Variants in CRB2 observed in about 807,000 individuals in gnomAD.
CRB2 encodes the protein protein crumbs homolog 2.
In CRB2, 85 loss-of-function variants were observed where a neutral mutation model predicts 110.9. That is an observed-to-expected ratio of 0.77 (90% CI 0.64 to 0.92). The LOEUF (loss-of-function observed/expected upper bound fraction) is 0.92, where lower values mean the gene tolerates loss of function less well. CRB2 is among the 40% of genes least tolerant of loss of function. CRB2 has a pLI of 0.00. For missense variants in CRB2, 1,843 were observed against 1,851.3 expected (o/e 1.00, Z 0.08); for synonymous variants, 907 against 831.0 (o/e 1.09, Z -1.57).
At chr9:123,366,931 T>A (rs2041940582) in intron 4 of CRB2, among the ~76,000 whole-genome samples, 1 of 124,112 alleles carries the variant, frequency 8.1e-6, no homozygotes, top group South Asian at 2.8e-4. Context: ...GGCAACAGAG[T>A]GAGATTCTAT....
Position 123,363,205 on chromosome 9 carries a change from C to T in CRB2, c.418+17C>T. On this transcript the variant is annotated intron_variant, in intron 2 of 12. Transcript: ENST00000373631. ...GCTATGCAGGTAACAGCCTGGGCCG[C>T]CCTGGGAGGAGGTCTGTAATGCAGA... The T allele has an allele frequency of 2.5e-6, 4 of 1,583,330 alleles. No individual in the cohort carries two copies. The highest frequency in any genetic ancestry group is 2.6e-6 in the Non-Finnish European group (3 of 1,162,128).
intron 2 of CRB2, 95 bp downstream of exon 2, chr9:123,363,283 G>A (rs2041890773): frequency 3.0e-6 from 4 of 1,339,500 alleles, no homozygotes; most frequent in Non-Finnish European, 4.0e-6. Context: ...TGCCTTTCGT[G>A]TAGGGACGCC....
In CRB2 at chr9:123,370,106, AG is replaced by A; in HGVS notation, c.1056del. 6.3e-7 allele frequency: 1 copy of A among 1,575,502 alleles called. No individual in the cohort carries two copies. The highest frequency in any genetic ancestry group is 8.6e-7 in the Non-Finnish European group (1 of 1,158,658). On this transcript the variant is annotated splice_acceptor_variant, in intron 6 of 12. Transcript: ENST00000373631. LOFTEE classifies it high-confidence loss of function. ...TGAACCTTGGCTTTGTCTCTCCCAAAGGGCCGACATGTGAGGAAGATGTGGA... is the reference window on the plus strand; with the variant it reads ...TGAACCTTGGCTTTGTCTCTCCCAAAGGCCGACATGTGAGGAAGATGTGGA...
chr9:123,373,549 G>C lies in CRB2; in HGVS notation c.3018G>C (p.Leu1006=). 6.7e-7 allele frequency: 1 copy of C among 1,487,526 alleles called. No individual in the cohort carries two copies. The highest frequency in any genetic ancestry group is 8.9e-7 in the Non-Finnish European group (1 of 1,123,578). 92.1% of individuals were successfully genotyped at this position (1,487,526 alleles called of 1,614,324 possible). The change falls in exon 10 of 13, where the codon CTG becomes CTC. Residue 1006 remains leucine, a synonymous_variant. Transcript: ENST00000373631. ...GCCCGGGTGCTGTGCGCATCCTGCT[G>C]GCTGAGAACTTCACCGGCTGCTTGG... ...LQGPGAVRIL[L]AENFTGCLGR... is the part of the protein sequence containing the mutation.
At chr9:123,358,888 A>G (rs1327838898) in intron 1 of CRB2, among the ~76,000 whole-genome samples, 1 of 152,196 alleles carries the variant, frequency 6.6e-6, no homozygotes, top group Admixed American at 6.5e-5. Context: ...GGAACCCCCA[A>G]TTTCAAGGGA....
In CRB2 at chr9:123,373,847, G is replaced by T; in HGVS notation, c.3316G>T (p.Gly1106Cys). 6.4e-7 allele frequency: 1 copy of T among 1,565,040 alleles called. No individual in the cohort carries two copies. The highest frequency in any genetic ancestry group is 2.4e-5 in the East Asian group (1 of 42,356). The change falls in exon 10 of 13, where the codon GGC (glycine) becomes TGC (cysteine). Residue 1106 changes from glycine (G) to cysteine (C), a missense_variant. Transcript: ENST00000373631. ...CTGTCACTCCGCCCCCTGCGCCCGT[G>T]GCCGCTGTCACACGCACCCCGACGG... is the stretch of plus-strand genomic sequence containing the variant. ...DPCHSAPCAR[G>C]RCHTHPDGRF...
At chr9:123,361,106 G>T (rs1161724838) in intron 1 of CRB2, among the ~76,000 whole-genome samples, 1 of 149,232 alleles carries the variant, frequency 6.7e-6, no homozygotes, top group East Asian at 2.0e-4. Context: ...CTCTGAGATA[G>T]GGGGCAAAGC....
chr9:123,361,393 C>T lies in CRB2; in HGVS notation c.95-1472C>T, dbSNP rs377152790. On this transcript the variant is annotated intron_variant, in intron 1 of 12. Transcript: ENST00000373631. ...AACCAGGACTGCCCGATGCCCCAAA[C>T]CTGTGCCCTTTCCTGGGGGAGCTGG... Among the ~76,000 whole-genome samples, 19 of 152,332 alleles carry T rather than the reference C, an allele frequency of 1.2e-4. No individual in the cohort carries two copies. In the East Asian group the frequency reaches 2.5e-3, roughly 20 times the overall value.
chr9:123,364,340 A>T (rs1011149235), intron 2 of CRB2, among the ~76,000 whole-genome samples: 1 of 150,132 alleles, frequency 6.7e-6, no homozygotes, highest in Non-Finnish European at 1.5e-5. Flanking sequence ...TTGTGTGGGC[A>T]GTGGGTTGTG....
intron 6 of CRB2, among the ~76,000 whole-genome samples, chr9:123,368,596 C>T (rs976725622): frequency 2.6e-5 from 4 of 152,274 alleles, no homozygotes; most frequent in Non-Finnish European, 5.9e-5. Context: ...TGTCATCCCC[C>T]AGGTTCACCA....
chr9:123,371,926 G>T (rs186050425), intron 8 of CRB2, among the ~76,000 whole-genome samples: 35 of 152,312 alleles, frequency 2.3e-4, no homozygotes, highest in African/African-American at 7.7e-4. Context: ...CAACCCTGGA[G>T]TTAGAACAGC....
At chr9:123,364,494 C>T (rs1036352356) in intron 2 of CRB2, among the ~76,000 whole-genome samples, 1 of 152,020 alleles carries the variant, frequency 6.6e-6, no homozygotes, top group African/African-American at 2.4e-5. Flanking sequence ...CCATTCCAAG[C>T]CGGGTGGGGG....
chr9:123,371,379 A>C lies in CRB2; in HGVS notation c.2237A>C (p.His746Pro). The change falls in exon 8 of 13, where the codon CAC becomes CCC. Residue 746 changes from histidine (H) to proline (P), a missense_variant. By Grantham distance (77) the His-to-Pro change is moderately conservative. Transcript: ENST00000373631. Reference protein sequence around the residue: ...DQLQDLGQHVHVGGRLLAADS... With the variant: ...DQLQDLGQHVPVGGRLLAADS... ...CTGCAGGACCTGGGGCAGCACGTGC[A>C]CGTGGGTGGGAGGCTCCTTGCTGCC... 1 of 1,606,896 alleles carries C rather than the reference A, an allele frequency of 6.2e-7. No individual in the cohort carries two copies. The highest frequency in any genetic ancestry group is 8.5e-7 in the Non-Finnish European group (1 of 1,176,312).
downstream of CRB2, chr9:123,378,805 G>GTTTTTTTTTTTTT (rs1166539194): frequency 6.9e-5 from 7 of 100,978 alleles, no homozygotes; most frequent in South Asian, 3.4e-4. Context: ...CCTGTTTTTT[G>GTTTTTTTTTTTTT]TTTTTTTTTT....
rs769475728 is a variant in CRB2 at position 123,370,071 on chromosome 9, C to T, written c.1055-37C>T. On this transcript the variant is annotated intron_variant, in intron 6 of 12. Coordinates refer to ENST00000373631, the MANE Select transcript of CRB2 (RefSeq NM_173689.7). ...TGGGTCAGTACTGTGATTCTGGCCC[C>T]AGACATTACTGAACCTTGGCTTTGT... 1.1e-5 allele frequency: 17 copies of T among 1,550,488 alleles called. No individual in the cohort carries two copies. In the Admixed American group the frequency reaches 1.8e-4, roughly 17 times the overall value.
chr9:123,373,299 C>A lies in CRB2; in HGVS notation c.2768C>A (p.Ala923Glu). 1 of 1,472,166 alleles carries A rather than the reference C, an allele frequency of 6.8e-7. No individual in the cohort carries two copies. Among genetic ancestry groups the A allele is most frequent in the Admixed American group, 2.4e-5 (1 of 41,194 alleles). 91.2% of individuals were successfully genotyped at this position (1,472,166 alleles called of 1,614,324 possible). Residue 923 changes from alanine to glutamate, a missense_variant, in exon 10 of 13, where the codon GCG (alanine) becomes GAG (glutamate). Ala to Glu is a moderately radical substitution (Grantham distance 107). Transcript: ENST00000373631. ...AAGALEGVWL[A>E]VRNGSLAGGV... ...GGCGCCCTGGAAGGCGTGTGGCTGG[C>A]GGTGCGCAATGGCTCGCTGGCGGGG...
intron 1 of CRB2, 55 bp from the exon 2 acceptor site, chr9:123,362,810 A>T: frequency 1.3e-6 from 2 of 1,496,956 alleles, no homozygotes; most frequent in Non-Finnish European, 1.8e-6. Flanking sequence ...GGTGGGGAGG[A>T]GATTGTCCTT....
In CRB2 at chr9:123,367,278, T is replaced by C. The variant is rs1301738641; in HGVS notation, c.861T>C (p.Gly287=). ...GCTCTGACCCGGCCCTCTACGGGGG[T>C]GTCCAGGCCGCCTTCCCTGGCGCCT... ...LQRSDPALYG[G]VQAAFPGAFS... is the part of the protein sequence containing the mutation. The change falls in exon 5 of 13, where the codon GGT becomes GGC. Residue 287 remains glycine, a synonymous_variant. Transcript: ENST00000373631. The C allele has an allele frequency of 6.3e-7, 1 of 1,599,838 alleles. No individual in the cohort carries two copies. The highest frequency in any genetic ancestry group is 8.5e-7 in the Non-Finnish European group (1 of 1,178,250).
rs1354823166 is a variant in CRB2 at position 123,371,371 on chromosome 9, G to T, written c.2229G>T (p.Gln743His). The T allele has an allele frequency of 1.2e-6, 2 of 1,604,660 alleles. No individual in the cohort carries two copies. The highest frequency in any genetic ancestry group is 1.7e-6 in the Non-Finnish European group (2 of 1,175,156). ...CTGACCAGCTGCAGGACCTGGGGCA[G>T]CACGTGCACGTGGGTGGGAGGCTCC... ...FGPDQLQDLG[Q>H]HVHVGGRLLA... Residue 743 changes from glutamine to histidine, a missense_variant, in exon 8 of 13, where the codon CAG (glutamine) becomes CAT (histidine). Coordinates refer to ENST00000373631, the MANE Select transcript of CRB2 (RefSeq NM_173689.7).
Sources: allele counts gnomAD v4.1 joint callset (sites outside exome capture counted in the v4.1 genomes callset), GRCh38; gene constraint gnomAD v4.1.1; transcripts MANE v1.5; gene names NCBI Gene and HGNC (gene_info 2026-07-23, HGNC 2026-07-21).